TTBK2: variants seen among roughly 807,000 people sequenced by gnomAD.
TTBK2 encodes the protein tau-tubulin kinase 2.
Under a neutral mutation model 110.8 loss-of-function variants are expected in TTBK2, and 28 were observed. That is an observed-to-expected ratio of 0.25 (90% CI 0.19 to 0.35). The LOEUF is 0.35. Ranked by LOEUF, TTBK2 falls within the 10% of genes least tolerant of loss-of-function variation. TTBK2 has a pLI of 1.00. For missense variants in TTBK2, 1,369 were observed against 1,500.3 expected, an observed-to-expected ratio of 0.91 and a Z score of 1.45; for synonymous variants, 532 against 527.3, an observed-to-expected ratio of 1.01 and a Z score of -0.12.
chr15:42,845,444 T>C lies in TTBK2; in HGVS notation c.218-5011A>G, dbSNP rs1432060054. 2.0e-5 allele frequency among the ~76,000 whole-genome samples: 3 copies of C among 151,624 alleles called. No homozygotes were observed. In the East Asian group the frequency reaches 5.8e-4, roughly 29 times the overall value. ...ACTTTGGGAGGCCGAGGTGGGTGGA[T>C]CACCTGAGGTCAGGAGTTCAAGACC... is the stretch of plus-strand genomic sequence containing the variant. On this transcript the variant is annotated intron_variant, in intron 3 of 14. Transcript: ENST00000267890.
intron 1 of TTBK2, among the ~76,000 whole-genome samples, chr15:42,914,729 A>C (rs970517547): frequency 2.6e-5 from 4 of 152,154 alleles, no homozygotes; most frequent in African/African-American, 9.7e-5. Flanking sequence ...TTTTGTCATT[A>C]TTTATTTAAT....
At chr15:42,912,378 T>C (rs930758126) in intron 1 of TTBK2, among the ~76,000 whole-genome samples, 27 of 152,216 alleles carry the variant, frequency 1.8e-4, no homozygotes, top group African/African-American at 6.3e-4. Context: ...ATTCACCAAA[T>C]AGCAGTTTTA....
intron 9 of TTBK2, chr15:42,802,206 G>T (rs774618867): frequency 2.0e-6 from 2 of 1,016,180 alleles, no homozygotes; most frequent in South Asian, 1.3e-5. Context: ...GCAGGCTTTG[G>T]TTGACAGTGA....
chr15:42,823,834 A>T (rs1892415848), intron 6 of TTBK2, among the ~76,000 whole-genome samples: 1 of 152,046 alleles, frequency 6.6e-6, no homozygotes, highest in Non-Finnish European at 1.5e-5. Flanking sequence ...GGAAGCCAAA[A>T]GATTGGGCAT....
At chr15:42,846,818 T>C (rs953724550) in intron 3 of TTBK2, among the ~76,000 whole-genome samples, 2 of 151,720 alleles carry the variant, frequency 1.3e-5, no homozygotes, top group Non-Finnish European at 2.9e-5. Flanking sequence ...CCAGGAAAGG[T>C]GAGTGGGAGG....
chr15:42,821,906 G>A (rs1892320997), intron 6 of TTBK2, among the ~76,000 whole-genome samples: 1 of 151,752 alleles, frequency 6.6e-6, no homozygotes, highest in African/African-American at 2.4e-5. Context: ...TAGCCAGGAT[G>A]GTCTCAATCT....
intron 9 of TTBK2, among the ~76,000 whole-genome samples, chr15:42,804,214 G>A (rs1306448725): frequency 6.6e-6 from 1 of 151,864 alleles, no homozygotes; most frequent in Non-Finnish European, 1.5e-5. Flanking sequence ...GGAGACTGAG[G>A]TGGGCGGATC....
At chr15:42,845,003 T>C (rs34745458) in intron 3 of TTBK2, among the ~76,000 whole-genome samples, 16,248 of 152,136 alleles carry the variant, frequency 0.11, 1,202 homozygotes, top group South Asian at 0.21. Context: ...AGTAATACAG[T>C]ATGAGTTCTA....
intron 9 of TTBK2, chr15:42,798,282 G>T: frequency 2.2e-6 from 1 of 456,230 alleles, no homozygotes; most frequent in Non-Finnish European, 4.4e-6. Flanking sequence ...TGGAAAGGGA[G>T]AAGGGAAAAA....
chr15:42,898,127 C>A (rs1895740120), intron 1 of TTBK2, among the ~76,000 whole-genome samples: 1 of 152,054 alleles, frequency 6.6e-6, no homozygotes, highest in Admixed American at 6.6e-5. Context: ...CTTATGACGG[C>A]CTTCTCAAGT....
intron 13 of TTBK2, among the ~76,000 whole-genome samples, chr15:42,773,970 C>G (rs1313881192): frequency 6.6e-6 from 1 of 152,138 alleles, no homozygotes; most frequent in Non-Finnish European, 1.5e-5. Flanking sequence ...TGTTTCCTGG[C>G]TAGATTCCTT....
intron 1 of TTBK2, among the ~76,000 whole-genome samples, chr15:42,894,994 T>C (rs376118561): frequency 6.6e-6 from 1 of 152,122 alleles, no homozygotes. Flanking sequence ...AGGAGAAGCA[T>C]TTGACAAAAT....
intron 4 of TTBK2, among the ~76,000 whole-genome samples, chr15:42,837,528 G>A (rs964689024): frequency 6.6e-6 from 1 of 151,798 alleles, no homozygotes; most frequent in Non-Finnish European, 1.5e-5. Flanking sequence ...GTGTGGTGGC[G>A]TGTGCCTGTA....
chr15:42,750,702 G>GA (rs1011959459), intron 14 of TTBK2, among the ~76,000 whole-genome samples: 3 of 151,686 alleles, frequency 2.0e-5, no homozygotes, highest in Non-Finnish European at 2.9e-5. Context: ...TTAAAAAAAA[G>GA]AAAAAAAGCC....
intron 1 of TTBK2, among the ~76,000 whole-genome samples, chr15:42,879,803 C>T (rs1894966255): frequency 6.6e-6 from 1 of 151,910 alleles, no homozygotes; most frequent in Non-Finnish European, 1.5e-5. Context: ...TTGAGACCAG[C>T]CTAGCCAACA....
chr15:42,848,769 C>T (rs753838465), intron 3 of TTBK2, among the ~76,000 whole-genome samples: 8 of 152,144 alleles, frequency 5.3e-5, no homozygotes, highest in African/African-American at 1.9e-4. Flanking sequence ...GGATCACAGG[C>T]GTGAGCCACT....
chr15:42,919,736 G>A, intron 1 of TTBK2: 4 of 956,452 alleles, frequency 4.2e-6, no homozygotes, highest in East Asian at 1.1e-4. Flanking sequence ...TCAAAGCAAA[G>A]TACAACTCAA....
chr15:42,806,378 T>G (rs1045862651), intron 9 of TTBK2, among the ~76,000 whole-genome samples: 1 of 152,264 alleles, frequency 6.6e-6, no homozygotes, highest in Non-Finnish European at 1.5e-5. Flanking sequence ...TTTGTTTCAT[T>G]TGGATGCACA....
intron 3 of TTBK2, among the ~76,000 whole-genome samples, chr15:42,849,941 G>C (rs1191077419): frequency 6.6e-6 from 1 of 152,074 alleles, no homozygotes; most frequent in Non-Finnish European, 1.5e-5. Flanking sequence ...CAGTCTTCCA[G>C]CAGAACTCTG....
Sources: allele counts gnomAD v4.1 joint callset (sites outside exome capture counted in the v4.1 genomes callset), GRCh38; gene constraint gnomAD v4.1.1; transcripts MANE v1.5; gene names NCBI Gene and HGNC (gene_info 2026-07-23, HGNC 2026-07-21).